DOK4: variants seen among roughly 807,000 people sequenced by gnomAD.
The protein encoded by DOK4 is downstream of tyrosine kinase 4.
Under a neutral mutation model 40.1 loss-of-function variants are expected in DOK4, and 26 were observed. That is an observed-to-expected ratio of 0.65 (90% CI 0.48 to 0.90). DOK4 has a LOEUF of 0.90. Among genes scored for constraint, DOK4 ranks in the 40% least tolerant of loss-of-function variants. The pLI is 0.00. For synonymous variants in DOK4, 179 were observed against 177.0 expected, an observed-to-expected ratio of 1.01 and a Z score of -0.09; for missense variants, 392 against 437.2, an observed-to-expected ratio of 0.90 and a Z score of 0.92.
chr16:57,476,282 C>G (rs980104779), intron 2 of DOK4: 8 of 354,966 alleles, frequency 2.3e-5, no homozygotes, highest in Admixed American at 8.2e-5. Context: ...CCTGCTCACA[C>G]CTGTTATTAG....
intron 1 of DOK4, among the ~76,000 whole-genome samples, chr16:57,486,079 G>T (rs1402869629): frequency 3.3e-5 from 5 of 152,106 alleles, no homozygotes; most frequent in Non-Finnish European, 5.9e-5. Flanking sequence ...CTCCCCCGGA[G>T]AGGAAAGCTG....
Position 57,475,660 on chromosome 16 carries a change from ATCTCTCTCTCTCTCTC to A in DOK4, c.175-56_175-41del, listed in dbSNP as rs745508207. 3.5e-3 allele frequency: 1,661 copies of A among 477,000 alleles called. 17 individuals carry two copies. In the African/African-American group the frequency reaches 0.05, roughly 14 times the overall value. 29.5% of individuals were successfully genotyped at this position (477,000 alleles called of 1,614,324 possible). A position where few individuals can be genotyped will look rare whatever the true frequency, so the allele number is the denominator to read the frequency against. ...ACAAGGGACTTAGCCAGGCCAGTGC[ATCTCTCTCTCTCTCTC>A]TCTCTCTCTCTCTCTCTCTCCCTCC... On this transcript the variant is annotated intron_variant, in intron 3 of 8. Coordinates refer to ENST00000340099, the Ensembl canonical transcript of DOK4.
Position 57,485,487 on chromosome 16 carries a change from C to T in DOK4, c.-182+818G>A, listed in dbSNP as rs557955499. Among the ~76,000 whole-genome samples, 28 of 152,298 alleles carry T rather than the reference C, an allele frequency of 1.8e-4. No homozygotes were observed. In the South Asian group the frequency reaches 2.9e-3, roughly 16 times the overall value. On this transcript the variant is annotated intron_variant, in intron 1 of 8. Transcript: ENST00000340099. The surrounding 1 kb of genome is among the most constrained non-coding windows in gnomAD (Gnocchi z 4.3). ...AAAGAACCTGCCCTAAGCAAGCCCA[C>T]CTCACACTGCCCAAGTGGAGTCTCC...
intron 2 of DOK4, 134 bp from the exon 3 acceptor site, chr16:57,476,091 C>T (rs2031171854): frequency 5.6e-6 from 4 of 716,572 alleles, no homozygotes; most frequent in Admixed American, 2.3e-5. Context: ...CTGGGGACAC[C>T]GGGGGTGGGA....
chr16:57,475,370 T>C (rs1210337633), intron 4 of DOK4, 136 bp downstream of exon 4: 11 of 1,420,072 alleles, frequency 7.7e-6, no homozygotes, highest in Admixed American at 5.4e-5. Context: ...GCCTGCTCCC[T>C]GAAAGCACCC....
In DOK4 at chr16:57,479,257, A is replaced by G. The variant is rs2031318225; in HGVS notation, c.66+185T>C. ...AGCCCTCTGGGGCGGGGGCTGCAGC[A>G]GGCAGAACCCAGCCCAGGCACATGC... is the stretch of plus-strand genomic sequence containing the variant. On this transcript the variant is annotated intron_variant, in intron 2 of 8. Coordinates refer to ENST00000340099, the Ensembl canonical transcript of DOK4. The surrounding 1 kb of genome is among the most constrained non-coding windows in gnomAD (Gnocchi z 5.8). Among the ~76,000 whole-genome samples, 1 of 152,238 alleles carries G rather than the reference A, an allele frequency of 6.6e-6. No homozygotes were observed.
intron 3 of DOK4, 97 bp from the exon 4 acceptor site, chr16:57,475,717 C>T: frequency 1.6e-6 from 1 of 611,088 alleles, no homozygotes; most frequent in African/African-American, 2.3e-5. Context: ...TCTCTCCCCC[C>T]TCCTCCTTCT....
chr16:57,479,324 C>T lies in DOK4; in HGVS notation c.66+118G>A, dbSNP rs1474444505. ...GAGGAGCCCCGAGACCACAGATGCACGATGCCCGGCAGCCGGAGGGCAGCC... is the reference window on the plus strand; with the variant it reads ...GAGGAGCCCCGAGACCACAGATGCATGATGCCCGGCAGCCGGAGGGCAGCC... On this transcript the variant is annotated intron_variant, in intron 2 of 8. Coordinates refer to ENST00000340099, the Ensembl canonical transcript of DOK4. This position sits in a 1 kb window ranked among gnomAD's most constrained non-coding sequence, Gnocchi z 5.8. The T allele has an allele frequency of 1.2e-5, 14 of 1,151,934 alleles. No individual in the cohort carries two copies. Among genetic ancestry groups the T allele is most frequent in the Admixed American group, 2.0e-5 (1 of 50,066 alleles). 71.4% of individuals were successfully genotyped at this position (1,151,934 alleles called of 1,614,324 possible).
rs1429483874 is a variant in DOK4 at position 57,479,033 on chromosome 16, G to A, written c.66+409C>T. ...CAGGAGAGGTGAGGGGAGGCCGGGG[G>A]TGGGGGGCAAACGGAAGGGAGAGGA... On this transcript the variant is annotated intron_variant, in intron 2 of 8. Coordinates refer to ENST00000340099, the Ensembl canonical transcript of DOK4. This position sits in a 1 kb window ranked among gnomAD's most constrained non-coding sequence, Gnocchi z 5.8. Among the ~76,000 whole-genome samples, 1 of 152,124 alleles carries A rather than the reference G, an allele frequency of 6.6e-6. No individual in the cohort carries two copies. Among genetic ancestry groups the A allele is most frequent in the African/African-American group, 2.4e-5 (1 of 41,404 alleles).
In DOK4 at chr16:57,479,777, A is replaced by C; in HGVS notation, c.-181-89T>G. ...GCTCTCTTTTTTCCTTCCTCTTCCCACACTCCTCCTCTCTCCCTCTTCCCT... is the reference window on the plus strand; with the variant it reads ...GCTCTCTTTTTTCCTTCCTCTTCCCCCACTCCTCCTCTCTCCCTCTTCCCT... On this transcript the variant is annotated intron_variant, in intron 1 of 8. Coordinates refer to ENST00000340099, the Ensembl canonical transcript of DOK4. The surrounding 1 kb of genome is among the most constrained non-coding windows in gnomAD (Gnocchi z 5.8). The C allele has an allele frequency of 5.2e-6, 2 of 383,948 alleles. No individual in the cohort carries two copies. The highest frequency in any genetic ancestry group is 9.6e-6 in the Non-Finnish European group (2 of 208,384). The allele number at this position is 383,948 out of a possible 1,614,324, so 23.8% of individuals were successfully genotyped here. A position where few individuals can be genotyped will look rare whatever the true frequency, so the allele number is the denominator to read the frequency against.
intron 1 of DOK4, among the ~76,000 whole-genome samples, chr16:57,483,482 T>C (rs1377308191): frequency 6.6e-6 from 1 of 151,514 alleles, no homozygotes; most frequent in Non-Finnish European, 1.5e-5. Context: ...AATGAAAAAA[T>C]AAGCTGGGCA....
rs2030984156 is a variant in DOK4 at position 57,473,595 on chromosome 16, G to A, written c.862+18C>T. The A allele has an allele frequency of 6.2e-7, 1 of 1,614,256 alleles. No homozygotes were observed. The highest frequency in any genetic ancestry group is 8.5e-7 in the Non-Finnish European group (1 of 1,180,046). On this transcript the variant is annotated intron_variant, in intron 8 of 8. Coordinates refer to ENST00000340099, the Ensembl canonical transcript of DOK4. ...AAAGCCTCCTGGCAGGTGGGTGTGG[G>A]GCATGGAAGCGACTCACCAGCATAG...
rs1330113864 is a variant in DOK4 at position 57,479,874 on chromosome 16, C to T, written c.-181-186G>A. ...GGACGACAGAACCATTCAGGAAAAC[C>T]GAGGTGGAGGCGGCAGTGAGGAAAA... On this transcript the variant is annotated intron_variant, in intron 1 of 8. Coordinates refer to ENST00000340099, the Ensembl canonical transcript of DOK4. The surrounding 1 kb of genome is among the most constrained non-coding windows in gnomAD (Gnocchi z 5.8). 4 of 200,742 alleles carry T rather than the reference C, an allele frequency of 2.0e-5. No individual in the cohort carries two copies. The highest frequency in any genetic ancestry group is 8.0e-5 in the South Asian group (1 of 12,434). The allele number at this position is 200,742 out of a possible 1,614,324, so 12.4% of individuals were successfully genotyped here. A position where few individuals can be genotyped will look rare whatever the true frequency, so the allele number is the denominator to read the frequency against.
At chr16:57,481,659 C>T (rs2031412954) in intron 1 of DOK4, 1 of 152,316 alleles carries the variant, frequency 6.6e-6, no homozygotes, top group Admixed American at 6.5e-5. Flanking sequence ...ACTGGACCCC[C>T]AGGTTCATCC....
At position 57,479,099 on chromosome 16, in the gene DOK4, G is replaced by A. The variant is rs939333545; in HGVS notation, c.66+343C>T. ...GACGCTGCTTCTCAGCTCAGACACA[G>A]CCCGGCCTTGCCAGCCGCCCCTGCT... On this transcript the variant is annotated intron_variant, in intron 2 of 8. Coordinates refer to ENST00000340099, the Ensembl canonical transcript of DOK4. The surrounding 1 kb of genome is among the most constrained non-coding windows in gnomAD (Gnocchi z 5.8). Among the ~76,000 whole-genome samples, 1 of 152,200 alleles carries A rather than the reference G, an allele frequency of 6.6e-6. No individual in the cohort carries two copies. The highest frequency in any genetic ancestry group is 6.5e-5 in the Admixed American group (1 of 15,286).
Position 57,475,903 on chromosome 16 carries a change from G to A in DOK4, c.121C>T (p.Arg41Trp), listed in dbSNP as rs778692640. The change falls in exon 3 of 9, where the codon CGG (arginine) becomes TGG (tryptophan). Residue 41 changes from arginine (R) to tryptophan (W), a missense_variant. By Grantham distance (101) the Arg-to-Trp change is moderately radical (BLOSUM62 -3). Coordinates refer to ENST00000340099, the Ensembl canonical transcript of DOK4. ...TTCTCATCTGGATACTTCTCCAGCC[G>A]CTGGGGCCCCTTGCTGGAGGATTTC... 5.0e-6 allele frequency: 8 copies of A among 1,613,586 alleles called. No homozygotes were observed. The African/African-American group carries it at 5.3e-5, about 11-fold the overall frequency.
chr16:57,476,007 C>G, intron 2 of DOK4, 50 bp from the exon 3 acceptor site: 1 of 1,487,298 alleles, frequency 6.7e-7, no homozygotes, highest in Non-Finnish European at 9.2e-7. Flanking sequence ...ACTCCCACCC[C>G]ACCAGCATGG....
chr16:57,484,596 G>A (rs1034923471), intron 1 of DOK4, among the ~76,000 whole-genome samples: 22 of 152,108 alleles, frequency 1.4e-4, no homozygotes, highest in Non-Finnish European at 2.1e-4. Context: ...CTGTGGCCCC[G>A]TACCACTCTG....
chr16:57,482,370 T>TG (rs1567592281), intron 1 of DOK4, among the ~76,000 whole-genome samples: 3 of 141,360 alleles, frequency 2.1e-5, no homozygotes, highest in East Asian at 2.2e-4. Flanking sequence ...TTTGTTTTTT[T>TG]TTTTTTTTTT....
Sources: gnomAD v4.1 joint callset for allele counts (sites outside exome capture counted in the v4.1 genomes callset) on GRCh38, gnomAD v4.1.1 for gene constraint, Gnocchi (gnomAD v3.1) non-coding constraint, MANE v1.5 for transcripts, NCBI Gene and HGNC (gene_info 2026-07-23, HGNC 2026-07-21) for gene names.